The following MTUS2 variants were observed in gnomAD, a reference collection of about 807,000 sequenced individuals.
MTUS2 encodes microtubule-associated tumor suppressor candidate 2.
In MTUS2, 40 loss-of-function variants were observed where a neutral mutation model predicts 114.1. The ratio of observed to expected loss-of-function variants is 0.35; its 90% CI spans 0.27 to 0.46. MTUS2 has a LOEUF of 0.46. Ranked by LOEUF, MTUS2 falls within the 20% of genes least tolerant of loss-of-function variation. The pLI is 1.00. For missense variants in MTUS2, 1,679 were observed against 1,705.4 expected (o/e 0.98, Z 0.27); for synonymous variants, 688 against 672.0 (o/e 1.02, Z -0.37).
chr13:29,219,435 G>A (rs377404375), intron 5 of MTUS2, among the ~76,000 whole-genome samples: 11 of 150,468 alleles, frequency 7.3e-5, no homozygotes, highest in South Asian at 6.4e-4. Flanking sequence ...ATAAACATAC[G>A]TGTGCATGTG....
At chr13:29,140,713 A>G (rs951134899) in intron 5 of MTUS2, among the ~76,000 whole-genome samples, 1 of 152,124 alleles carries the variant, frequency 6.6e-6, no homozygotes, top group Non-Finnish European at 1.5e-5. Context: ...TCACTAGAAA[A>G]TCACCTCTTC....
chr13:29,500,132 C>T (rs977609466), intron 14 of MTUS2, among the ~76,000 whole-genome samples: 1 of 152,252 alleles, frequency 6.6e-6, no homozygotes, highest in African/African-American at 2.4e-5. Context: ...TGATTTTAGC[C>T]ATCCTCCAGG....
At chr13:29,389,397 A>ATG (rs1475090074) in intron 8 of MTUS2, among the ~76,000 whole-genome samples, 759 of 21,940 alleles carry the variant, frequency 0.035, 86 homozygotes, top group South Asian at 0.13. Context: ...ACGTGTGTGT[A>ATG]TATATGTATA....
At chr13:29,287,419 C>T (rs1898534174) in intron 6 of MTUS2, among the ~76,000 whole-genome samples, 1 of 152,152 alleles carries the variant, frequency 6.6e-6, no homozygotes, top group African/African-American at 2.4e-5. Context: ...GTGGAGCACA[C>T]CCCACACTAT....
chr13:29,316,261 C>T (rs1899984576), intron 6 of MTUS2, among the ~76,000 whole-genome samples: 1 of 152,084 alleles, frequency 6.6e-6, no homozygotes, highest in Non-Finnish European at 1.5e-5. Flanking sequence ...AGGAAAAGCA[C>T]CAGTGGCAAC....
chr13:29,198,477 G>A (rs1383674138), intron 5 of MTUS2, among the ~76,000 whole-genome samples: 3 of 152,162 alleles, frequency 2.0e-5, no homozygotes, highest in African/African-American at 7.2e-5. Context: ...CTGTAGCCTT[G>A]TAGTATAGTT....
At chr13:29,277,270 A>G (rs1216091828) in intron 5 of MTUS2, among the ~76,000 whole-genome samples, 1 of 152,174 alleles carries the variant, frequency 6.6e-6, no homozygotes, top group African/African-American at 2.4e-5. Context: ...GGGTATAATT[A>G]TTACTCAGCA....
Position 29,035,903 on chromosome 13 carries a change from G to C in MTUS2, c.2446+1778G>C, listed in dbSNP as rs970147953. Among the ~76,000 whole-genome samples, 4 of 152,020 alleles carry C rather than the reference G, an allele frequency of 2.6e-5. 1 individual carries two copies. Among genetic ancestry groups the C allele is most frequent in the Non-Finnish European group, 2.9e-5 (2 of 67,978 alleles). ...CTCACGACTGTAATCCCAGCACTTT[G>C]GGAGACTGAGGTGGACGGATCGCTG... On this transcript the variant is annotated intron_variant, in intron 4 of 15. Transcript: ENST00000612955.
chr13:29,130,837 G>T (rs1298523867), intron 5 of MTUS2, among the ~76,000 whole-genome samples: 1 of 152,082 alleles, frequency 6.6e-6, no homozygotes, highest in Non-Finnish European at 1.5e-5. Context: ...TGTTGGCCAG[G>T]ATGGTCTCAA....
At chr13:28,895,551 A>G (rs562746431) in intron 2 of MTUS2, among the ~76,000 whole-genome samples, 82 of 152,340 alleles carry the variant, frequency 5.4e-4, no homozygotes, top group African/African-American at 1.9e-3. Context: ...TCTACCAGGC[A>G]TAGTTCAAGC....
chr13:29,457,141 CA>C (rs771743973), intron 9 of MTUS2, among the ~76,000 whole-genome samples: 2,804 of 89,582 alleles, frequency 0.031, 60 homozygotes, highest in African/African-American at 0.085. Flanking sequence ...AGACTCCATT[CA>C]AAAAAAAAAA....
chr13:29,409,370 A>G (rs187636823), intron 8 of MTUS2, among the ~76,000 whole-genome samples: 172 of 152,290 alleles, frequency 1.1e-3, no homozygotes, highest in African/African-American at 3.8e-3. Flanking sequence ...TATTATCTTT[A>G]GCCTTATATG....
intron 11 of MTUS2, among the ~76,000 whole-genome samples, chr13:29,490,472 A>G (rs80314006): frequency 0.01 from 1,548 of 152,366 alleles, 18 homozygotes; most frequent in African/African-American, 0.034. Flanking sequence ...TCACCCAGCT[A>G]ATAAGACTCT....
At chr13:28,833,732 G>A (rs1230286725) in intron 1 of MTUS2, among the ~76,000 whole-genome samples, 1 of 152,090 alleles carries the variant, frequency 6.6e-6, no homozygotes, top group African/African-American at 2.4e-5. Context: ...AAATCATCCA[G>A]ATTGGAAAGG....
intron 5 of MTUS2, among the ~76,000 whole-genome samples, chr13:29,203,850 G>A (rs886100481): frequency 1.2e-4 from 19 of 152,106 alleles, no homozygotes; most frequent in African/African-American, 4.6e-4. Context: ...CCCATGGGCT[G>A]CATCCAGTGT....
intron 9 of MTUS2, among the ~76,000 whole-genome samples, chr13:29,461,284 A>G (rs1274018076): frequency 6.6e-6 from 1 of 152,210 alleles, no homozygotes; most frequent in Non-Finnish European, 1.5e-5. Flanking sequence ...TAATCTATAT[A>G]TGGAGGGCAG....
At chr13:29,342,292 G>C (rs570477736) in intron 7 of MTUS2, among the ~76,000 whole-genome samples, 1 of 152,182 alleles carries the variant, frequency 6.6e-6, no homozygotes, top group African/African-American at 2.4e-5. Flanking sequence ...AGCATGGCAT[G>C]GGTTTCCATT....
chr13:29,291,412 C>T (rs561986806), intron 6 of MTUS2, among the ~76,000 whole-genome samples: 3 of 152,196 alleles, frequency 2.0e-5, no homozygotes, highest in Non-Finnish European at 2.9e-5. Flanking sequence ...AGGCATAAAA[C>T]GTTGTATACA....
intron 2 of MTUS2, among the ~76,000 whole-genome samples, chr13:28,894,897 T>A (rs1222497558): frequency 6.6e-6 from 1 of 152,226 alleles, no homozygotes; most frequent in Non-Finnish European, 1.5e-5. Context: ...TTCTTGGATG[T>A]ATAGTCAGAT....
Sources: allele counts gnomAD v4.1 joint callset (sites outside exome capture counted in the v4.1 genomes callset), GRCh38; gene constraint gnomAD v4.1.1; transcripts MANE v1.5; gene names NCBI Gene and HGNC (gene_info 2026-07-23, HGNC 2026-07-21).